Variants in GRM8 observed in about 807,000 individuals in gnomAD.
GRM8 encodes metabotropic glutamate receptor 8.
In GRM8, 47 loss-of-function variants were observed where a neutral mutation model predicts 87.2. The ratio of observed to expected loss-of-function variants is 0.54; its 90% CI spans 0.43 to 0.69. GRM8 has a LOEUF of 0.69. GRM8 is among the 30% of genes least tolerant of loss of function. GRM8 has a pLI of 0.00. For missense variants in GRM8, 1,019 were observed against 1,139.2 expected (o/e 0.89, Z 1.52); for synonymous variants, 396 against 404.5 (o/e 0.98, Z 0.25).
chr7:126,694,532 TACTC>T (rs1809170888), intron 7 of GRM8, among the ~76,000 whole-genome samples: 1 of 152,338 alleles, frequency 6.6e-6, no homozygotes, highest in African/African-American at 2.4e-5. Context: ...AGCTGTTACT[TACTC>T]AATTTTTTTC....
intron 2 of GRM8, among the ~76,000 whole-genome samples, chr7:127,108,621 A>G (rs938352981): frequency 2.0e-5 from 3 of 152,208 alleles, no homozygotes; most frequent in African/African-American, 7.2e-5. Flanking sequence ...CTTTCTAAAA[A>G]TGAGCAGAAA....
intron 2 of GRM8, among the ~76,000 whole-genome samples, chr7:127,150,702 C>T (rs1048994217): frequency 2.6e-5 from 4 of 151,928 alleles, no homozygotes; most frequent in Non-Finnish European, 4.4e-5. Context: ...AAAATGAATC[C>T]CACTCCCAGT....
At chr7:126,688,865 G>A (rs1385896748) in intron 7 of GRM8, among the ~76,000 whole-genome samples, 1 of 151,942 alleles carries the variant, frequency 6.6e-6, no homozygotes, top group Admixed American at 6.6e-5. Context: ...AACTCACAAT[G>A]AGAGCTCTCG....
intron 7 of GRM8, among the ~76,000 whole-genome samples, chr7:126,668,971 G>A (rs932667688): frequency 6.6e-6 from 1 of 152,132 alleles, no homozygotes; most frequent in Non-Finnish European, 1.5e-5. Context: ...TATATACCAT[G>A]GAATACTATG....
At chr7:126,818,779 T>C (rs1794017753) in intron 6 of GRM8, among the ~76,000 whole-genome samples, 1 of 152,178 alleles carries the variant, frequency 6.6e-6, no homozygotes, top group East Asian at 1.9e-4. Context: ...ATCTAATTAT[T>C]AAAACTTTGA....
chr7:126,646,658 C>T (rs1336001095), intron 7 of GRM8, among the ~76,000 whole-genome samples: 1 of 152,174 alleles, frequency 6.6e-6, no homozygotes, highest in Non-Finnish European at 1.5e-5. Flanking sequence ...CAAGGCTCAC[C>T]ACACACTGGA....
chr7:126,972,498 CT>C (rs547554715), intron 3 of GRM8, among the ~76,000 whole-genome samples: 39 of 147,762 alleles, frequency 2.6e-4, no homozygotes, highest in Admixed American at 3.4e-4. Flanking sequence ...TGTCAATCAC[CT>C]TTTTTTTTTA....
At chr7:127,121,429 T>TCC (rs1488710162) in intron 2 of GRM8, among the ~76,000 whole-genome samples, 1 of 152,146 alleles carries the variant, frequency 6.6e-6, no homozygotes, top group Non-Finnish European at 1.5e-5. Flanking sequence ...GAAGCTCATT[T>TCC]CCCATGCTTG....
intron 7 of GRM8, among the ~76,000 whole-genome samples, chr7:126,617,042 C>G (rs7459139): frequency 0.32 from 48,622 of 152,000 alleles, 8,400 homozygotes; most frequent in East Asian, 0.43. Context: ...CAGCATTATC[C>G]TGATACCAAA....
chr7:126,500,635 C>T (rs980360860), intron 9 of GRM8, among the ~76,000 whole-genome samples: 8 of 151,942 alleles, frequency 5.3e-5, no homozygotes, highest in Non-Finnish European at 1.0e-4. Flanking sequence ...GAAAAATATT[C>T]AGTTAAAATA....
intron 9 of GRM8, among the ~76,000 whole-genome samples, chr7:126,496,949 T>A (rs577732939): frequency 1.4e-5 from 2 of 147,934 alleles, no homozygotes; most frequent in Admixed American, 1.4e-4. Flanking sequence ...GCTTTATTCA[T>A]AATAAGAGAA....
intron 9 of GRM8, among the ~76,000 whole-genome samples, chr7:126,463,386 A>G (rs1804117199): frequency 6.6e-6 from 1 of 151,650 alleles, no homozygotes; most frequent in Non-Finnish European, 1.5e-5. Context: ...GGAACAAGTG[A>G]AAACTGAGAA....
At chr7:126,906,270 T>C (rs113075077) in intron 3 of GRM8, among the ~76,000 whole-genome samples, 1 of 152,144 alleles carries the variant, frequency 6.6e-6, no homozygotes, top group Non-Finnish European at 1.5e-5. Flanking sequence ...TCCAGAACTG[T>C]AAAAATAAAT....
At chr7:126,904,352 T>G (rs1265198780) in intron 4 of GRM8, among the ~76,000 whole-genome samples, 196 bp downstream of exon 4, 1 of 152,202 alleles carries the variant, frequency 6.6e-6, no homozygotes, top group African/African-American at 2.4e-5. Context: ...ATTCACATCA[T>G]TCTGTCTATC....
intron 7 of GRM8, among the ~76,000 whole-genome samples, chr7:126,689,165 T>A (rs935042995): frequency 1.3e-5 from 2 of 152,096 alleles, no homozygotes; most frequent in African/African-American, 4.8e-5. Flanking sequence ...TGGCCCTGGC[T>A]TACCTCTCTG....
intron 2 of GRM8, among the ~76,000 whole-genome samples, chr7:127,159,455 T>G (rs1392426189): frequency 6.6e-6 from 1 of 152,100 alleles, no homozygotes; most frequent in Non-Finnish European, 1.5e-5. Flanking sequence ...CTACTAACTT[T>G]AAAAGTATGG....
chr7:126,762,244 T>C (rs1817652190), intron 7 of GRM8, among the ~76,000 whole-genome samples: 1 of 152,186 alleles, frequency 6.6e-6, no homozygotes, highest in Non-Finnish European at 1.5e-5. Context: ...GCATCTATTT[T>C]TTTTTTCTTG....
chr7:127,050,428 G>A (rs17865135), intron 3 of GRM8, among the ~76,000 whole-genome samples: 1,538 of 152,276 alleles, frequency 0.01, 29 homozygotes, highest in African/African-American at 0.035. Context: ...AGGAGTGAAG[G>A]TCCATTCCAG....
chr7:126,645,771 T>G (rs1227388531), intron 7 of GRM8, among the ~76,000 whole-genome samples: 2 of 152,166 alleles, frequency 1.3e-5, no homozygotes, highest in Non-Finnish European at 2.9e-5. Context: ...TTCAAAAGAC[T>G]TCAACACTGC....
Sources: allele counts gnomAD v4.1 joint callset (sites outside exome capture counted in the v4.1 genomes callset), GRCh38; gene constraint gnomAD v4.1.1; transcripts MANE v1.5; gene names NCBI Gene and HGNC (gene_info 2026-07-23, HGNC 2026-07-21).